The following PLAGL1 variants were observed in gnomAD, a reference collection of about 807,000 sequenced individuals.
PLAGL1 encodes PLAG1 like zinc finger 1, also known as zinc finger protein PLAGL1.
Under a neutral mutation model 4.6 loss-of-function variants are expected in PLAGL1, and 1 was observed. The ratio of observed to expected loss-of-function variants is 0.22; its 90% CI spans 0.08 to 1.03. The LOEUF (loss-of-function observed/expected upper bound fraction) is 1.03, where lower values mean the gene tolerates loss of function less well. Ranked by LOEUF, PLAGL1 falls within the 50% of genes least tolerant of loss-of-function variation. The pLI is 0.58. For synonymous variants in PLAGL1, 240 were observed against 237.8 expected (o/e 1.01, Z -0.08); for missense variants, 464 against 570.4 (o/e 0.81, Z 1.90).
At chr6:144,032,972 A>G (rs1425307131) in intron 1 of PLAGL1, among the ~76,000 whole-genome samples, 1 of 152,250 alleles carries the variant, frequency 6.6e-6, no homozygotes, top group Non-Finnish European at 1.5e-5. Context: ...ATAATTCTAT[A>G]TGGCATGATA....
At chr6:144,032,495 C>G (rs76085637) in intron 1 of PLAGL1, among the ~76,000 whole-genome samples, 1 of 151,952 alleles carries the variant, frequency 6.6e-6, no homozygotes, top group African/African-American at 2.4e-5. Context: ...ATTTTAAGTT[C>G]TAAGTGGTAA....
chr6:143,993,592 A>T (rs1191274794), intron 1 of PLAGL1, among the ~76,000 whole-genome samples: 2 of 152,056 alleles, frequency 1.3e-5, no homozygotes, highest in African/African-American at 4.8e-5. Context: ...ACTTTTTTTT[A>T]AAAAAACTAA....
In PLAGL1 at chr6:144,022,574, G is replaced by A. The variant is rs1011550198; in HGVS notation, c.-151+41894C>T. Reference sequence around the variant, plus strand: ...CCCATAATTCCCATGTGTTGTGGGAGGGATCTGGTGCTGGTAATTGAATCA... The same window carrying A: ...CCCATAATTCCCATGTGTTGTGGGAAGGATCTGGTGCTGGTAATTGAATCA... On this transcript the variant is annotated intron_variant, in intron 1 of 3. Transcript: ENST00000437412. The surrounding 1 kb of genome is among the most constrained non-coding windows in gnomAD (Gnocchi z 4.2). Among the ~76,000 whole-genome samples, 3 of 152,192 alleles carry A rather than the reference G, an allele frequency of 2.0e-5. No individual in the cohort carries two copies. Among genetic ancestry groups the A allele is most frequent in the African/African-American group, 4.8e-5 (2 of 41,442 alleles).
chr6:143,998,152 C>T (rs1219811639), intron 1 of PLAGL1, among the ~76,000 whole-genome samples: 1 of 152,176 alleles, frequency 6.6e-6, no homozygotes, highest in East Asian at 1.9e-4. Context: ...TTAGTATCAA[C>T]AAAAACTTGG....
chr6:143,948,041 G>A lies in PLAGL1; in HGVS notation c.96C>T (p.Tyr32=). ...TGCCACAGTCAGGCTGCACACACTT[G>A]TACGGCCGCTCCCTGGAGTGGGAAT... ...HNYSHSRERP[Y]KCVQPDCGKA... Residue 32 remains tyrosine (Y), a synonymous_variant, in exon 7 of 8, where the codon TAC becomes TAT. Coordinates refer to ENST00000674357, the MANE Select transcript of PLAGL1 (RefSeq NM_001317162.2). The surrounding 1 kb of genome is among the most constrained non-coding windows in gnomAD (Gnocchi z 6.0). 1 of 1,614,080 alleles carries A rather than the reference G, an allele frequency of 6.2e-7. No homozygotes were observed. The highest frequency in any genetic ancestry group is 8.5e-7 in the Non-Finnish European group (1 of 1,179,944).
At chr6:143,944,028 T>C (rs1193421561) in intron 7 of PLAGL1, among the ~76,000 whole-genome samples, 1 of 152,188 alleles carries the variant, frequency 6.6e-6, no homozygotes, top group Admixed American at 6.5e-5. Context: ...GAATCCTTCA[T>C]TACAACTTGT....
rs1429188914 is a variant in PLAGL1 at position 144,063,702 on chromosome 6, G to T, written c.-151+766C>A. 6.6e-6 allele frequency among the ~76,000 whole-genome samples: 1 copy of T among 152,154 alleles called. No homozygotes were observed. The highest frequency in any genetic ancestry group is 2.4e-5 in the African/African-American group (1 of 41,426). ...GCGCTCCTAGACCCATGAACACTCG[G>T]GAAGCCCCAGGGGTATCTCTGTCCT... On this transcript the variant is annotated intron_variant, in intron 1 of 3. Coordinates refer to the PLAGL1 transcript ENST00000437412. The surrounding 1 kb of genome is among the most constrained non-coding windows in gnomAD (Gnocchi z 5.7).
rs1785193390 is a variant in PLAGL1 at position 143,970,367 on chromosome 6, T to C, written c.-543-1389A>G. The stretch of plus-strand genomic sequence containing the variant: ...TAAACTACTGAAAATATACTAAGTA[T>C]TTTAACAACCTCATTAACATACAAA... On this transcript the variant is annotated intron_variant, in intron 2 of 7. Transcript: ENST00000674357. The surrounding 1 kb of genome is among the most constrained non-coding windows in gnomAD (Gnocchi z 5.8). Among the ~76,000 whole-genome samples the C allele has an allele frequency of 6.6e-6, 1 of 152,234 alleles. No homozygotes were observed. Among genetic ancestry groups the C allele is most frequent in the Non-Finnish European group, 1.5e-5 (1 of 68,040 alleles).
rs946172923 is a variant in PLAGL1 at position 143,990,733 on chromosome 6, G to T, written c.-583-5559C>A. Reference sequence around the variant, plus strand: ...TCAAGATATGCAAGAGCCCAGAGCTGCCCCAAGGCACTCTTTTCAGGATAT... The same window carrying T: ...TCAAGATATGCAAGAGCCCAGAGCTTCCCCAAGGCACTCTTTTCAGGATAT... On this transcript the variant is annotated intron_variant, in intron 1 of 7. Coordinates refer to ENST00000674357, the MANE Select transcript of PLAGL1 (RefSeq NM_001317162.2). This position sits in a 1 kb window ranked among gnomAD's most constrained non-coding sequence, Gnocchi z 5.4. Among the ~76,000 whole-genome samples the T allele has an allele frequency of 1.3e-5, 2 of 152,166 alleles. No homozygotes were observed. The highest frequency in any genetic ancestry group is 4.8e-5 in the African/African-American group (2 of 41,436).
rs888804655 is a variant in PLAGL1, at chr6:144,055,285, A to G, written c.-151+9183T>C. On this transcript the variant is annotated intron_variant, in intron 1 of 3. Coordinates refer to the PLAGL1 transcript ENST00000437412. This position sits in a 1 kb window ranked among gnomAD's most constrained non-coding sequence, Gnocchi z 5.0. The stretch of plus-strand genomic sequence containing the variant: ...GCTTAGTTCAACACTTTCATTTTAC[A>G]TATAAGGAAGCAGACTCAAAGGTCA... Among the ~76,000 whole-genome samples, 7 of 152,212 alleles carry G rather than the reference A, an allele frequency of 4.6e-5. No individual in the cohort carries two copies. Among genetic ancestry groups the G allele is most frequent in the African/African-American group, 1.7e-4 (7 of 41,448 alleles).
rs1788227649 is a variant in PLAGL1, at chr6:143,982,725, A to G, written c.-544+2410T>C. 6.6e-6 allele frequency among the ~76,000 whole-genome samples: 1 copy of G among 152,094 alleles called. No individual in the cohort carries two copies. Among genetic ancestry groups the G allele is most frequent in the South Asian group, 2.1e-4 (1 of 4,812 alleles). ...TATCTCCTGACAGCTGAATGTGTAG[A>G]GGGTGAGAGAGACGAAATGAGGATG... is the stretch of plus-strand genomic sequence containing the variant. On this transcript the variant is annotated intron_variant, in intron 2 of 7. Coordinates refer to ENST00000674357, the MANE Select transcript of PLAGL1 (RefSeq NM_001317162.2). The surrounding 1 kb of genome is among the most constrained non-coding windows in gnomAD (Gnocchi z 5.3).
At chr6:144,009,629 T>C (rs577770800), upstream of PLAGL1, among the ~76,000 whole-genome samples, 1 of 152,324 alleles carries the variant, frequency 6.6e-6, no homozygotes, top group East Asian at 1.9e-4. Context: ...ACCCGTCATC[T>C]ACATTAGGCA....
At position 143,972,866 on chromosome 6, in the gene PLAGL1, A is replaced by C. The variant is rs1304799616; in HGVS notation, c.-543-3888T>G. On this transcript the variant is annotated intron_variant, in intron 2 of 7. Coordinates refer to ENST00000674357, the MANE Select transcript of PLAGL1 (RefSeq NM_001317162.2). The surrounding 1 kb of genome is among the most constrained non-coding windows in gnomAD (Gnocchi z 6.8). ...GTTTAAAAAAAGAGGGCGGGTGGAG[A>C]ATCAACTTCTACTTAACATCATTTA... Among the ~76,000 whole-genome samples, 1 of 152,174 alleles carries C rather than the reference A, an allele frequency of 6.6e-6. No homozygotes were observed. Among genetic ancestry groups the C allele is most frequent in the Non-Finnish European group, 1.5e-5 (1 of 68,024 alleles).
rs1293634947 is a variant in PLAGL1 at position 143,970,116 on chromosome 6, T to A, written c.-543-1138A>T. Among the ~76,000 whole-genome samples, 1 of 152,214 alleles carries A rather than the reference T, an allele frequency of 6.6e-6. No homozygotes were observed. The highest frequency in any genetic ancestry group is 1.5e-5 in the Non-Finnish European group (1 of 68,026). On this transcript the variant is annotated intron_variant, in intron 2 of 7. Coordinates refer to ENST00000674357, the MANE Select transcript of PLAGL1 (RefSeq NM_001317162.2). This position sits in a 1 kb window ranked among gnomAD's most constrained non-coding sequence, Gnocchi z 5.8. ...TGAATACTTGAGCACCAACCCTAAG[T>A]AACCTCCTTCTCTGAGTAGCCCACA...
chr6:144,038,844 A>T (rs933719610), intron 1 of PLAGL1, among the ~76,000 whole-genome samples: 1 of 152,242 alleles, frequency 6.6e-6, no homozygotes, highest in Admixed American at 6.5e-5. Flanking sequence ...AGGAGTGGGG[A>T]TGATGACTAA....
rs1296649713 is a variant in PLAGL1 at position 143,961,903 on chromosome 6, C to T, written c.-398-1361G>A. ...GAAAGGGTGCACATAACGTGAGGTA[C>T]GCAAACCAGGCAGTGAAGTAGCTTA... On this transcript the variant is annotated intron_variant, in intron 5 of 7. Coordinates refer to ENST00000674357, the MANE Select transcript of PLAGL1 (RefSeq NM_001317162.2). This position sits in a 1 kb window ranked among gnomAD's most constrained non-coding sequence, Gnocchi z 6.5. 2.6e-5 allele frequency among the ~76,000 whole-genome samples: 4 copies of T among 152,178 alleles called. No individual in the cohort carries two copies. The highest frequency in any genetic ancestry group is 2.1e-4 in the South Asian group (1 of 4,828).
rs573592252 is a variant in PLAGL1 at position 143,947,243 on chromosome 6, C to T, written c.152+742G>A. On this transcript the variant is annotated intron_variant, in intron 7 of 7. Coordinates refer to ENST00000674357, the MANE Select transcript of PLAGL1 (RefSeq NM_001317162.2). This position sits in a 1 kb window ranked among gnomAD's most constrained non-coding sequence, Gnocchi z 4.3. ...CCAAGTTGAGAAACTGTGTTCCAAA[C>T]ATTTAAACTTGGAGATGTCTCCTCC... 5.1e-4 allele frequency among the ~76,000 whole-genome samples: 77 copies of T among 152,328 alleles called. No individual in the cohort carries two copies. Among genetic ancestry groups the T allele is most frequent in the African/African-American group, 1.7e-3 (70 of 41,570 alleles).
At chr6:143,987,418 G>C (rs554000338) in intron 1 of PLAGL1, among the ~76,000 whole-genome samples, 2 of 145,304 alleles carry the variant, frequency 1.4e-5, no homozygotes, top group East Asian at 4.1e-4. Context: ...GCAAGATCTG[G>C]CATGTGCCAC....
rs567650049 is a variant in PLAGL1, at chr6:144,051,869, C to A, written c.-151+12599G>T. Among the ~76,000 whole-genome samples the A allele has an allele frequency of 9.2e-5, 14 of 152,288 alleles. No individual in the cohort carries two copies. In the South Asian group the frequency reaches 2.3e-3, roughly 25 times the overall value. On this transcript the variant is annotated intron_variant, in intron 1 of 3. Transcript: ENST00000437412. ...CCTCCCCCATAATTTAATCACCTCC[C>A]ACTGGGTTACTCCCACGACATGTGG...
Sources: gnomAD v4.1 joint callset for allele counts (sites outside exome capture counted in the v4.1 genomes callset) on GRCh38, gnomAD v4.1.1 for gene constraint, Gnocchi (gnomAD v3.1) non-coding constraint, MANE v1.5 for transcripts, NCBI Gene and HGNC (gene_info 2026-07-23, HGNC 2026-07-21) for gene names.